The following CUL2 variants were observed in gnomAD, a reference collection of about 807,000 sequenced individuals.
CUL2 encodes the protein cullin-2.
Under a neutral mutation model 110.2 loss-of-function variants are expected in CUL2, and 22 were observed. The ratio of observed to expected loss-of-function variants is 0.20; its 90% CI spans 0.14 to 0.28. The LOEUF (loss-of-function observed/expected upper bound fraction) is 0.28. Ranked by LOEUF, CUL2 falls within the 10% of genes least tolerant of loss-of-function variation. CUL2 has a pLI of 1.00. For missense variants in CUL2, 631 were observed against 905.5 expected (o/e 0.70, Z 3.89); for synonymous variants, 279 against 293.2 (o/e 0.95, Z 0.49).
chr10:35,115,076 A>G (rs1291344599), intron 1 of CUL2, among the ~76,000 whole-genome samples: 1 of 151,902 alleles, frequency 6.6e-6, no homozygotes, highest in Non-Finnish European at 1.5e-5. Context: ...GCTGGATGTG[A>G]TGATGTGCGC....
chr10:35,031,707 G>T lies in CUL2; in HGVS notation c.1171-88C>A. On this transcript the variant is annotated intron_variant, in intron 12 of 20. Coordinates refer to ENST00000374749, the MANE Select transcript of CUL2 (RefSeq NM_003591.4). The surrounding 1 kb of genome is among the most constrained non-coding windows in gnomAD (Gnocchi z 4.4). ...GAGGCAAAGTGGTGATACAAGGTAA[G>T]ATCAGCGGACAGAATTTTTGCTGTT... 7.0e-7 allele frequency: 1 copy of T among 1,427,562 alleles called. No individual in the cohort carries two copies. The highest frequency in any genetic ancestry group is 9.6e-7 in the Non-Finnish European group (1 of 1,037,852). The allele number at this position is 1,427,562 out of a possible 1,614,324, so 88.4% of individuals were successfully genotyped here. A position where few individuals can be genotyped will look rare whatever the true frequency, so the allele number is the denominator to read the frequency against.
chr10:35,041,889 G>C (rs1229910377), intron 8 of CUL2, among the ~76,000 whole-genome samples: 1 of 151,994 alleles, frequency 6.6e-6, no homozygotes, highest in Non-Finnish European at 1.5e-5. Context: ...TTATTCCAAT[G>C]TCCCTCCTTC....
intron 2 of CUL2, 73 bp from the exon 3 acceptor site, chr10:35,063,135 C>T (rs2086425625): frequency 3.4e-6 from 3 of 882,964 alleles, no homozygotes; most frequent in Non-Finnish European, 5.4e-6. Context: ...CCTTGTTTGG[C>T]ATTAAAAAAT....
chr10:35,057,152 C>A (rs1279851332), intron 4 of CUL2, among the ~76,000 whole-genome samples: 2 of 152,186 alleles, frequency 1.3e-5, no homozygotes, highest in Non-Finnish European at 2.9e-5. Context: ...GCAGATCAGG[C>A]CTGCATTCAC....
At chr10:35,074,120 C>G in intron 1 of CUL2, 1 of 1,405,708 alleles carries the variant, frequency 7.1e-7, no homozygotes, top group Non-Finnish European at 9.7e-7. Flanking sequence ...ATACAGTGGA[C>G]AAAACAAAGT....
chr10:35,066,579 G>A (rs1011415068), intron 2 of CUL2, among the ~76,000 whole-genome samples: 4 of 152,238 alleles, frequency 2.6e-5, no homozygotes, highest in African/African-American at 4.8e-5. Context: ...GATTACAGGC[G>A]TGAGCCACTG....
At position 35,039,054 on chromosome 10, in the gene CUL2, A is replaced by G. The variant is rs748538876; in HGVS notation, c.743T>C (p.Ile248Thr). The change falls in exon 9 of 21, where the codon ATT (isoleucine) becomes ACT (threonine). Residue 248 changes from isoleucine (I) to threonine (T), a missense_variant. Around this residue, in one of 3 missense-constraint regions of CUL2, gnomAD observed 338 missense variants for 442.5 expected, o/e 0.76. Coordinates refer to ENST00000374749, the MANE Select transcript of CUL2 (RefSeq NM_003591.4). The stretch of plus-strand genomic sequence containing the variant: ...TGGATGTAGGTATTTTCGACATCGA[A>G]TTTCTTCATCTTTTAATCTACCTAG... ...KVLGRLKDEEIRCRKYLHPSS... is the reference protein window; with the variant it reads ...KVLGRLKDEETRCRKYLHPSS... 1.9e-6 allele frequency: 3 copies of G among 1,603,954 alleles called. No individual in the cohort carries two copies. Among genetic ancestry groups the G allele is most frequent in the Admixed American group, 1.7e-5 (1 of 58,668 alleles).
At chr10:35,109,778 TA>T (rs1199029097) in intron 1 of CUL2, among the ~76,000 whole-genome samples, 44 of 152,240 alleles carry the variant, frequency 2.9e-4, no homozygotes, top group African/African-American at 1.0e-3. Context: ...TGTAGGACTT[TA>T]TCAACTTTGA....
intron 1 of CUL2, chr10:35,118,848 C>G (rs184919383): frequency 2.2e-4 from 33 of 152,342 alleles, no homozygotes; most frequent in African/African-American, 7.9e-4. Flanking sequence ...GGATAATGAT[C>G]CAGTTAAAGC....
intron 4 of CUL2, among the ~76,000 whole-genome samples, chr10:35,060,442 G>C (rs750093421): frequency 6.6e-6 from 1 of 152,100 alleles, no homozygotes; most frequent in Non-Finnish European, 1.5e-5. Flanking sequence ...ACTTCAAGGG[G>C]AAAATAACCC....
intron 1 of CUL2, among the ~76,000 whole-genome samples, chr10:35,108,195 T>C (rs1379701049): frequency 6.6e-6 from 1 of 152,124 alleles, no homozygotes; most frequent in South Asian, 2.1e-4. Flanking sequence ...CAGTGGCTCA[T>C]GCCTGTAATC....
In CUL2 at chr10:35,074,169, T is replaced by A. The variant is rs755074217; in HGVS notation, c.-22-2830A>T. 7.2e-6 allele frequency: 11 copies of A among 1,534,370 alleles called. No individual in the cohort carries two copies. The South Asian group carries it at 1.3e-4, about 18-fold the overall frequency. ...ATCAGAATCTCAGATCTTGCCCTTA[T>A]CAAAGACACAAAAATAACCTACCTA... On this transcript the variant is annotated intron_variant, in intron 1 of 20. Transcript: ENST00000374749.
At chr10:35,058,263 G>A (rs1048122657) in intron 4 of CUL2, among the ~76,000 whole-genome samples, 7 of 152,152 alleles carry the variant, frequency 4.6e-5, no homozygotes, top group African/African-American at 1.7e-4. Flanking sequence ...CTTGGAGGCT[G>A]AGTCATGCTA....
intron 9 of CUL2, among the ~76,000 whole-genome samples, chr10:35,037,145 T>A (rs2384282): frequency 0.029 from 4,488 of 152,338 alleles, 101 homozygotes; most frequent in Middle Eastern, 0.082. Flanking sequence ...GAAGTGTTAT[T>A]TTTTTACCTT....
At chr10:35,051,860 C>A (rs769296299) in intron 5 of CUL2, among the ~76,000 whole-genome samples, 1 of 152,212 alleles carries the variant, frequency 6.6e-6, no homozygotes, top group African/African-American at 2.4e-5. Flanking sequence ...ATCAACTGCT[C>A]GGTTTCTTTA....
intron 2 of CUL2, among the ~76,000 whole-genome samples, chr10:35,064,660 A>G (rs986366387): frequency 2.9e-4 from 44 of 151,810 alleles, no homozygotes; most frequent in African/African-American, 9.4e-4. Flanking sequence ...TAAATTTTTT[A>G]TCAGTTCTAT....
At chr10:35,100,755 CAAAAAAAAAAAAA>C (rs563272303) in intron 2 of CUL2, 3 of 44,464 alleles carry the variant, frequency 6.7e-5, no homozygotes, top group Admixed American at 2.6e-4. Context: ...GAGTCCATCT[CAAAAAAAAAAAAA>C]AAAAAAAAAA....
At chr10:35,060,323 C>A (rs2086349552) in intron 4 of CUL2, among the ~76,000 whole-genome samples, 1 of 151,966 alleles carries the variant, frequency 6.6e-6, no homozygotes, top group Non-Finnish European at 1.5e-5. Context: ...GAAAGAGAAG[C>A]AATCCAGGCA....
At chr10:35,064,624 C>T (rs1054232782) in intron 2 of CUL2, among the ~76,000 whole-genome samples, 1 of 152,050 alleles carries the variant, frequency 6.6e-6, no homozygotes, top group African/African-American at 2.4e-5. Flanking sequence ...CGCAAGCAGC[C>T]CTCTCCACAT....
Sources: allele counts gnomAD v4.1 joint callset (sites outside exome capture counted in the v4.1 genomes callset), GRCh38; gene constraint gnomAD v4.1.1; regional missense constraint gnomAD v4.1.1; non-coding constraint Gnocchi (gnomAD v3.1); transcripts MANE v1.5; gene names NCBI Gene and HGNC (gene_info 2026-07-23, HGNC 2026-07-21).